Variants in CASQ2 observed in about 807,000 individuals in gnomAD.
The protein encoded by CASQ2 is calsequestrin 2.
Under a neutral mutation model 46.5 loss-of-function variants are expected in CASQ2, and 49 were observed. The ratio of observed to expected loss-of-function variants is 1.05; its 90% confidence interval spans 0.84 to 1.34. The LOEUF (loss-of-function observed/expected upper bound fraction) is 1.34. CASQ2 is among the 40% of genes most tolerant of loss of function. CASQ2 has a pLI of 0.00. For synonymous variants in CASQ2, 174 were observed against 168.5 expected, an observed-to-expected ratio of 1.03 and a Z score of -0.25; for missense variants, 486 against 481.3, an observed-to-expected ratio of 1.01 and a Z score of -0.09.
chr1:115,757,246 C>T (rs1001821158), intron 1 of CASQ2, among the ~76,000 whole-genome samples: 7 of 152,160 alleles, frequency 4.6e-5, no homozygotes, highest in African/African-American at 1.4e-4. Flanking sequence ...CTCCAAGGAT[C>T]CCCTGTATTA....
intron 1 of CASQ2, 111 bp downstream of exon 1, chr1:115,768,197 G>A (rs4484922): frequency 6.3e-6 from 5 of 787,668 alleles, no homozygotes; most frequent in African/African-American, 5.1e-5. Flanking sequence ...ATAAAGCAGA[G>A]TTCAGTATAT....
chr1:115,762,962 G>A (rs779578931), intron 1 of CASQ2, among the ~76,000 whole-genome samples: 1 of 152,142 alleles, frequency 6.6e-6, no homozygotes, highest in Non-Finnish European at 1.5e-5. Flanking sequence ...GCCAGCTGGG[G>A]CTCCACCTGT....
At chr1:115,764,225 C>G (rs1038152994) in intron 1 of CASQ2, among the ~76,000 whole-genome samples, 1 of 151,806 alleles carries the variant, frequency 6.6e-6, no homozygotes, top group African/African-American at 2.4e-5. Context: ...GTGTCAAGAT[C>G]CAAATATAGG....
intron 8 of CASQ2, among the ~76,000 whole-genome samples, chr1:115,717,524 C>G (rs970398992): frequency 6.6e-6 from 1 of 152,340 alleles, no homozygotes; most frequent in Admixed American, 6.5e-5. Flanking sequence ...CCTCCTCTTA[C>G]CCATTTGGCA....
At chr1:115,757,811 T>C (rs1174492821) in intron 1 of CASQ2, among the ~76,000 whole-genome samples, 4 of 152,192 alleles carry the variant, frequency 2.6e-5, no homozygotes, top group Admixed American at 1.3e-4. Context: ...ACAATTGTAC[T>C]CAATACTTTA....
intron 1 of CASQ2, among the ~76,000 whole-genome samples, chr1:115,764,416 A>C (rs1421598767): frequency 6.6e-6 from 1 of 152,242 alleles, no homozygotes; most frequent in Admixed American, 6.5e-5. Context: ...AATACTGGAA[A>C]GAAATCTACC....
In CASQ2 at chr1:115,738,251, C is replaced by T. The variant is rs774943693; in HGVS notation, c.505G>A (p.Gly169Ser). Reference protein sequence around the residue: ...ERIEDYIKLIGFFKSEDSEYY... With the variant: ...ERIEDYIKLISFFKSEDSEYY... ...TCTGAGTCCTCACTCTTGAAAAAGC[C>T]AATGAGTTTGATGTAGTCTTCAATG... is the stretch of plus-strand genomic sequence containing the variant. Residue 169 changes from glycine (G) to serine (S), a missense_variant, in exon 4 of 11, where the codon GGC becomes AGC. Coordinates refer to ENST00000261448, the MANE Select transcript of CASQ2 (RefSeq NM_001232.4). 1 of 1,612,086 alleles carries T rather than the reference C, an allele frequency of 6.2e-7. No homozygotes were observed. The highest frequency in any genetic ancestry group is 1.7e-5 in the Admixed American group (1 of 60,024).
chr1:115,735,662 T>G (rs1647931383), intron 4 of CASQ2, among the ~76,000 whole-genome samples: 1 of 152,216 alleles, frequency 6.6e-6, no homozygotes, highest in Non-Finnish European at 1.5e-5. Flanking sequence ...CATTATTATT[T>G]TGAAATATTG....
intron 1 of CASQ2, among the ~76,000 whole-genome samples, chr1:115,766,778 G>A (rs1050059159): frequency 6.6e-6 from 1 of 152,062 alleles, no homozygotes; most frequent in African/African-American, 2.4e-5. Context: ...GATCAAAGGT[G>A]TCTGGAGGGA....
intron 1 of CASQ2, among the ~76,000 whole-genome samples, chr1:115,748,761 T>C (rs568677712): frequency 1.3e-5 from 2 of 152,328 alleles, no homozygotes; most frequent in South Asian, 2.1e-4. Flanking sequence ...TATTTAGTGC[T>C]GTCAAAATCT....
intron 1 of CASQ2, among the ~76,000 whole-genome samples, chr1:115,754,500 A>T (rs894752316): frequency 6.6e-6 from 1 of 152,198 alleles, no homozygotes; most frequent in Non-Finnish European, 1.5e-5. Context: ...CAACTGCCTT[A>T]CAAGAATTAT....
rs1654162356 is a variant in CASQ2 at position 115,700,205 on chromosome 1, C to G, written c.*1036G>C. 1 of 149,232 alleles carries G rather than the reference C, an allele frequency of 6.7e-6. No homozygotes were observed. Among genetic ancestry groups the G allele is most frequent in the Admixed American group, 6.9e-5 (1 of 14,564 alleles). 9.2% of individuals were successfully genotyped at this position (149,232 alleles called of 1,614,324 possible). A position where few individuals can be genotyped will look rare whatever the true frequency, so the allele number is the denominator to read the frequency against. On this transcript the variant is annotated 3_prime_UTR_variant, in exon 11 of 11. Coordinates refer to ENST00000261448, the MANE Select transcript of CASQ2 (RefSeq NM_001232.4). ...CAAGCACAATGTAACTTTTAGACAGCTCAGAAGGCACTTTGGGATTTTTTT... is the reference window on the plus strand; with the variant it reads ...CAAGCACAATGTAACTTTTAGACAGGTCAGAAGGCACTTTGGGATTTTTTT...
rs1213334741 is a variant in CASQ2, at chr1:115,700,986, G to A, written c.*255C>T. 1 of 627,882 alleles carries A rather than the reference G, an allele frequency of 1.6e-6. No individual in the cohort carries two copies. Among genetic ancestry groups the A allele is most frequent in the Admixed American group, 2.6e-5 (1 of 38,058 alleles). The allele number at this position is 627,882 out of a possible 1,614,324, so 38.9% of individuals were successfully genotyped here. A position where few individuals can be genotyped will look rare whatever the true frequency, so the allele number is the denominator to read the frequency against. ...CCCTTGATGGTCCAGCAAAGAACAA[G>A]ATCTGTTCCGTGACAGTCAAGACAG... On this transcript the variant is annotated 3_prime_UTR_variant, in exon 11 of 11. Coordinates refer to ENST00000261448, the MANE Select transcript of CASQ2 (RefSeq NM_001232.4).
At chr1:115,727,215 G>T in intron 5 of CASQ2, 93 bp from the exon 6 acceptor site, 1 of 998,834 alleles carries the variant, frequency 1.0e-6, no homozygotes, top group Non-Finnish European at 1.5e-6. Flanking sequence ...ATGTTTTCCG[G>T]CAAAGACATA....
At chr1:115,764,295 A>G (rs1649060922) in intron 1 of CASQ2, among the ~76,000 whole-genome samples, 1 of 152,218 alleles carries the variant, frequency 6.6e-6, no homozygotes, top group African/African-American at 2.4e-5. Flanking sequence ...TATTAACATT[A>G]CTGTTTAATA....
chr1:115,739,380 G>T (rs924233858), intron 3 of CASQ2, among the ~76,000 whole-genome samples: 1 of 151,932 alleles, frequency 6.6e-6, no homozygotes, highest in Non-Finnish European at 1.5e-5. Context: ...CTCCCAAAGT[G>T]CTGGGATTAC....
chr1:115,758,858 T>C (rs1648846590), intron 1 of CASQ2, among the ~76,000 whole-genome samples: 1 of 152,226 alleles, frequency 6.6e-6, no homozygotes, highest in Non-Finnish European at 1.5e-5. Context: ...GACATCAGAA[T>C]TGTGAGCCAA....
chr1:115,764,566 A>G (rs1267363228), intron 1 of CASQ2, among the ~76,000 whole-genome samples: 1 of 152,226 alleles, frequency 6.6e-6, no homozygotes, highest in Non-Finnish European at 1.5e-5. Flanking sequence ...CAGCTGTTTA[A>G]GTCAGGGTTA....
rs769435706 is a variant in CASQ2 at position 115,717,843 on chromosome 1, G to A, written c.835C>T (p.Pro279Ser). ...HIVAFAEKSD[P>S]DGYEFLEILK... ...GAGCAGGTTGAAGGTTTCCTACCTGGATCACTCTTCTCTGCAAAGGCCACA... is the reference window on the plus strand; with the variant it reads ...GAGCAGGTTGAAGGTTTCCTACCTGAATCACTCTTCTCTGCAAAGGCCACA... The change falls in exon 8 of 11, where the codon CCA (proline) becomes TCA (serine). Residue 279 changes from proline (P) to serine (S), a missense_variant. Pro to Ser is a moderately conservative substitution (Grantham distance 74). Coordinates refer to ENST00000261448, the MANE Select transcript of CASQ2 (RefSeq NM_001232.4). 1 of 1,607,868 alleles carries A rather than the reference G, an allele frequency of 6.2e-7. No homozygotes were observed. Among genetic ancestry groups the A allele is most frequent in the Non-Finnish European group, 8.5e-7 (1 of 1,174,402 alleles).
Sources: gnomAD v4.1 joint callset for allele counts (sites outside exome capture counted in the v4.1 genomes callset) on GRCh38, gnomAD v4.1.1 for gene constraint, MANE v1.5 for transcripts, NCBI Gene and HGNC (gene_info 2026-07-23, HGNC 2026-07-21) for gene names.